GRIA2: variants seen among roughly 807,000 people sequenced by gnomAD.
The protein encoded by GRIA2 is glutamate ionotropic receptor AMPA type subunit 2.
In GRIA2, 14 loss-of-function variants were observed where a neutral mutation model predicts 97.3. The observed-to-expected ratio is 0.14, with a 90% CI of 0.10 to 0.23. The LOEUF (loss-of-function observed/expected upper bound fraction) is 0.23. Ranked by LOEUF, GRIA2 falls within the 10% of genes least tolerant of loss-of-function variation. GRIA2 has a pLI of 1.00. For synonymous variants in GRIA2, 412 were observed against 387.8 expected (o/e 1.06, Z -0.73); for missense variants, 558 against 1,069.8 (o/e 0.52, Z 6.67).
In GRIA2 at chr4:157,272,233, C is replaced by T. The variant is rs550761614; in HGVS notation, c.230-31319C>T. On this transcript the variant is annotated intron_variant, in intron 2 of 15. Coordinates refer to ENST00000264426, the MANE Select transcript of GRIA2 (RefSeq NM_001083619.3). The stretch of plus-strand genomic sequence containing the variant: ...ACCACAATCAAATAGCAGGACTTCT[C>T]GTTTCCAGACTGGTCTGTAAGGACC... 5.3e-5 allele frequency among the ~76,000 whole-genome samples: 8 copies of T among 152,160 alleles called. No individual in the cohort carries two copies. The South Asian group carries it at 1.7e-3, about 32-fold the overall frequency.
intron 12 of GRIA2, among the ~76,000 whole-genome samples, chr4:157,352,863 A>C (rs1010769111): frequency 6.6e-6 from 1 of 152,094 alleles, no homozygotes; most frequent in East Asian, 1.9e-4. Flanking sequence ...ATTTGAGACC[A>C]GCCTGACCAG....
At chr4:157,268,859 G>A (rs1036676083) in intron 2 of GRIA2, among the ~76,000 whole-genome samples, 3 of 151,968 alleles carry the variant, frequency 2.0e-5, no homozygotes, top group Non-Finnish European at 4.4e-5. Context: ...AAGAAAGGAA[G>A]GAAATTGTCT....
intron 2 of GRIA2, among the ~76,000 whole-genome samples, chr4:157,272,451 A>G (rs1343947806): frequency 6.6e-6 from 1 of 152,114 alleles, no homozygotes; most frequent in Non-Finnish European, 1.5e-5. Flanking sequence ...CTCCACAGGA[A>G]GAAGTAGGAA....
chr4:157,260,921 A>AT (rs1731501663), intron 2 of GRIA2, among the ~76,000 whole-genome samples: 1 of 149,906 alleles, frequency 6.7e-6, no homozygotes, highest in Non-Finnish European at 1.5e-5. Flanking sequence ...CTCACTTACC[A>AT]TTTTCTCTAT....
At chr4:157,318,673 C>T (rs951904064) in intron 5 of GRIA2, among the ~76,000 whole-genome samples, 4 of 152,010 alleles carry the variant, frequency 2.6e-5, no homozygotes, top group African/African-American at 9.7e-5. Flanking sequence ...ATAATTTAAG[C>T]CTTTACTGCT....
At position 157,303,676 on chromosome 4, in the gene GRIA2, A is replaced by G; in HGVS notation, c.354A>G (p.Thr118=). Residue 118 remains threonine, a synonymous_variant, in exon 3 of 16, where the codon ACA becomes ACG. Transcript: ENST00000264426. Reference sequence around the variant, plus strand: ...CCTTCATCACTCCCAGCTTCCCAACAGATGGCACACATCCATTTGTCATTC... The same window carrying G: ...CCTTCATCACTCCCAGCTTCCCAACGGATGGCACACATCCATTTGTCATTC... The part of the protein sequence containing the change: ...HVSFITPSFP[T]DGTHPFVIQM... The G allele has an allele frequency of 1.2e-6, 2 of 1,614,134 alleles. No homozygotes were observed. Among genetic ancestry groups the G allele is most frequent in the Admixed American group, 3.3e-5 (2 of 60,002 alleles).
chr4:157,335,764 G>A lies in GRIA2; in HGVS notation c.1360G>A (p.Ala454Thr), dbSNP rs755931226. The A allele has an allele frequency of 1.2e-6, 2 of 1,612,374 alleles. No homozygotes were observed. Among genetic ancestry groups the A allele is most frequent in the African/African-American group, 1.3e-5 (1 of 74,818 alleles). ...CTGTGTTGACCTGGCTGCAGAAATC[G>A]CCAAACATTGTGGGTTCAAGTACAA... ...GYCVDLAAEIAKHCGFKYKLT... is the reference protein window; with the variant it reads ...GYCVDLAAEITKHCGFKYKLT... The change falls in exon 10 of 16, where the codon GCC (alanine) becomes ACC (threonine). Residue 454 changes from alanine (A) to threonine (T), a missense_variant. Transcript: ENST00000264426.
At position 157,355,924 on chromosome 4, in the gene GRIA2, T is replaced by TATATATAA. The variant is rs1560781098; in HGVS notation, c.2044-3965_2044-3964insAATATATA. Among the ~76,000 whole-genome samples the TATATATAA allele has an allele frequency of 7.3e-3, 111 of 15,108 alleles. 8 individuals are homozygous for TATATATAA. The East Asian group carries it at 0.2, about 27-fold the overall frequency. 9.9% of individuals were successfully genotyped at this position (15,108 alleles called of 152,430 possible). A position where few individuals can be genotyped will look rare whatever the true frequency, so the allele number is the denominator to read the frequency against. Reference sequence around the variant, plus strand: ...ATAAATATATATATATTAATATATTTATATATATTTATATATTAATATATA... The same window carrying TATATATAA: ...ATAAATATATATATATTAATATATTTATATATAAATATATATTTATATATTAATATATA... On this transcript the variant is annotated intron_variant, in intron 12 of 15. Transcript: ENST00000264426.
At chr4:157,273,241 G>T (rs973205229) in intron 2 of GRIA2, among the ~76,000 whole-genome samples, 2 of 151,952 alleles carry the variant, frequency 1.3e-5, no homozygotes, top group African/African-American at 4.8e-5. Context: ...CACATATTTT[G>T]GTATCTCCTT....
intron 2 of GRIA2, among the ~76,000 whole-genome samples, chr4:157,298,201 G>T (rs1370529382): frequency 6.6e-6 from 1 of 151,972 alleles, no homozygotes; most frequent in Admixed American, 6.6e-5. Flanking sequence ...GGAAAGTGAA[G>T]GTGCAAGAGA....
At position 157,221,010 on chromosome 4, in the gene GRIA2, G is replaced by C. The variant is rs1200555185; in HGVS notation, c.-33G>C. ...AAGAGGAGGAAAAGGAAAAAAAAAGGGGTATATTGTGGATGCTCTACTTTT... is the reference window on the plus strand; with the variant it reads ...AAGAGGAGGAAAAGGAAAAAAAAAGCGGTATATTGTGGATGCTCTACTTTT... On this transcript the variant is annotated 5_prime_UTR_variant, in exon 1 of 16. Transcript: ENST00000264426. The C allele has an allele frequency of 3.0e-6, 3 of 1,010,834 alleles. No homozygotes were observed. Among genetic ancestry groups the C allele is most frequent in the Non-Finnish European group, 4.8e-6 (3 of 631,110 alleles). The allele number at this position is 1,010,834 out of a possible 1,614,324, so 62.6% of individuals were successfully genotyped here.
chr4:157,284,293 A>G (rs1732738839), intron 2 of GRIA2, among the ~76,000 whole-genome samples: 1 of 151,834 alleles, frequency 6.6e-6, no homozygotes, highest in African/African-American at 2.4e-5. Flanking sequence ...AAAAAAGCTA[A>G]TTAGGACACT....
intron 2 of GRIA2, among the ~76,000 whole-genome samples, chr4:157,281,590 C>A (rs916627993): frequency 5.3e-5 from 8 of 152,000 alleles, no homozygotes; most frequent in Admixed American, 1.3e-4. Flanking sequence ...TGTGACAATA[C>A]CCTTAATATT....
chr4:157,332,221 G>A (rs1579370409), intron 6 of GRIA2, among the ~76,000 whole-genome samples: 2 of 151,972 alleles, frequency 1.3e-5, no homozygotes, highest in South Asian at 2.1e-4. Context: ...TGGAACCAAT[G>A]TTATCATATA....
At position 157,334,016 on chromosome 4, in the gene GRIA2, T is replaced by C. The variant is rs756346376; in HGVS notation, c.1162T>C (p.Tyr388His). ...CTGCTGTAACCTTTTCCAGATTGGC[T>C]ACTGGAGTGAAGTGGACAAAATGGT... Reference protein sequence around the residue: ...LKTNGPRKIGYWSEVDKMVVT... With the variant: ...LKTNGPRKIGHWSEVDKMVVT... The change falls in exon 9 of 16, where the codon TAC becomes CAC. Residue 388 changes from tyrosine (Y) to histidine (H), a missense_variant. By Grantham distance (83) the Tyr-to-His change is moderately conservative (BLOSUM62 2). Around this residue, in one of 8 missense-constraint regions of GRIA2, gnomAD observed 66 missense variants for 118.7 expected, o/e 0.56. Coordinates refer to ENST00000264426, the MANE Select transcript of GRIA2 (RefSeq NM_001083619.3). 9.7e-6 allele frequency: 15 copies of C among 1,551,646 alleles called. No individual in the cohort carries two copies. The highest frequency in any genetic ancestry group is 1.3e-5 in the Non-Finnish European group (15 of 1,123,564).
chr4:157,239,304 A>AT (rs1034780625), intron 2 of GRIA2, among the ~76,000 whole-genome samples: 1 of 151,842 alleles, frequency 6.6e-6, no homozygotes, highest in African/African-American at 2.4e-5. Context: ...TCCATGGTTT[A>AT]TTTTTTTCTT....
chr4:157,307,178 C>A (rs1309996136), intron 3 of GRIA2, among the ~76,000 whole-genome samples: 1 of 152,178 alleles, frequency 6.6e-6, no homozygotes, highest in Admixed American at 6.6e-5. Context: ...TCCCAACATT[C>A]TGCCCTAATC....
chr4:157,291,163 A>C (rs1733081505), intron 2 of GRIA2, among the ~76,000 whole-genome samples: 1 of 151,896 alleles, frequency 6.6e-6, no homozygotes, highest in Admixed American at 6.6e-5. Context: ...TCTGTCACAG[A>C]AATTAAATAG....
At chr4:157,333,962 A>C (rs1436599838) in intron 8 of GRIA2, 48 bp from the exon 9 acceptor site, 1 of 866,132 alleles carries the variant, frequency 1.2e-6, no homozygotes, top group Non-Finnish European at 2.0e-6. Context: ...TGCTTTGCTA[A>C]TAGACAAGTC....
Sources: gnomAD v4.1 joint callset for allele counts (sites outside exome capture counted in the v4.1 genomes callset) on GRCh38, gnomAD v4.1.1 for gene constraint, gnomAD v4.1.1 regional missense constraint, MANE v1.5 for transcripts, NCBI Gene and HGNC (gene_info 2026-07-23, HGNC 2026-07-21) for gene names.